CRCP: variants seen among roughly 807,000 people sequenced by gnomAD.
The protein encoded by CRCP is DNA-directed RNA polymerase III subunit RPC9.
CRCP carries 18 observed loss-of-function variants against 18.5 expected under a neutral mutation model. The ratio of observed to expected loss-of-function variants is 0.97; its 90% CI spans 0.67 to 1.44. The LOEUF is 1.44. Among genes scored for constraint, CRCP ranks in the 40% most tolerant of loss-of-function variants. CRCP has a pLI of 0.00. For synonymous variants in CRCP, 53 were observed against 62.9 expected, an observed-to-expected ratio of 0.84 and a Z score of 0.75; for missense variants, 130 against 176.4, an observed-to-expected ratio of 0.74 and a Z score of 1.49.
intron 3 of CRCP, among the ~76,000 whole-genome samples, chr7:66,132,797 CTA>C (rs1787848308): frequency 6.6e-6 from 1 of 151,882 alleles, no homozygotes; most frequent in Non-Finnish European, 1.5e-5. Flanking sequence ...GTAGTCCCAG[CTA>C]CTCAGAGAGG....
intron 3 of CRCP, among the ~76,000 whole-genome samples, chr7:66,133,930 C>T (rs372213987): frequency 6.1e-4 from 85 of 140,310 alleles, no homozygotes; most frequent in African/African-American, 2.0e-3. Context: ...GTGATCTCGG[C>T]TCACTGCAAC....
intron 5 of CRCP, among the ~76,000 whole-genome samples, chr7:66,147,585 C>G (rs892706883): frequency 3.3e-5 from 5 of 152,130 alleles, no homozygotes; most frequent in African/African-American, 1.2e-4. Flanking sequence ...GTGTGGCATC[C>G]CCTGAGATGG....
At chr7:66,138,621 T>TAAAAAA (rs34807364) in intron 4 of CRCP, among the ~76,000 whole-genome samples, 1 of 93,396 alleles carries the variant, frequency 1.1e-5, no homozygotes, top group Non-Finnish European at 2.0e-5. Flanking sequence ...TCGTCTCTAC[T>TAAAAAA]AAAAAAAAAA....
chr7:66,118,247 A>T (rs985153573), intron 1 of CRCP, among the ~76,000 whole-genome samples: 8 of 152,220 alleles, frequency 5.3e-5, no homozygotes, highest in Admixed American at 3.3e-4. Context: ...AAGTGCTGGG[A>T]TTACAGGCGT....
chr7:66,126,801 A>G lies in CRCP; in HGVS notation c.9-903A>G, dbSNP rs147828208. The stretch of plus-strand genomic sequence containing the variant: ...CTTATTGAGCACTTACTATGTTCCA[A>G]GTACTTTACATGTTTCCAGTGAACC... On this transcript the variant is annotated intron_variant, in intron 1 of 5. Transcript: ENST00000395326. Among the ~76,000 whole-genome samples, 328 of 149,394 alleles carry G rather than the reference A, an allele frequency of 2.2e-3. 4 individuals are homozygous for G. Among genetic ancestry groups the G allele is most frequent in the African/African-American group, 7.7e-3 (320 of 41,390 alleles).
intron 3 of CRCP, among the ~76,000 whole-genome samples, chr7:66,131,504 T>TTTG (rs201720921): frequency 1.4e-3 from 208 of 152,162 alleles, no homozygotes; most frequent in African/African-American, 4.9e-3. Context: ...CTGGCTATTT[T>TTTG]TTGTTGTTGT....
chr7:66,124,635 A>G (rs1787565398), intron 1 of CRCP, among the ~76,000 whole-genome samples: 2 of 151,742 alleles, frequency 1.3e-5, no homozygotes, highest in Non-Finnish European at 2.9e-5. Context: ...CTCCTGTCTC[A>G]GCCCGGAGTA....
chr7:66,138,821 CA>C (rs894319084), intron 4 of CRCP, among the ~76,000 whole-genome samples: 1 of 150,554 alleles, frequency 6.6e-6, no homozygotes, highest in African/African-American at 2.4e-5. Context: ...AAATAAATTT[CA>C]AAAAAGATTT....
At chr7:66,116,697 A>T (rs190838712) in intron 1 of CRCP, among the ~76,000 whole-genome samples, 1 of 152,154 alleles carries the variant, frequency 6.6e-6, no homozygotes, top group Admixed American at 6.6e-5. Context: ...CCCCACATAC[A>T]TGTCCCCCTC....
Position 66,145,479 on chromosome 7 carries a change from G to T in CRCP, c.276G>T (p.Val92=). ...TCCAGCTGCTGAACCACCGGCCTGT[G>T]ACTGCTGTGGAGATCCAGCTGGTGA... The part of the protein sequence containing the change: ...EKLQLLNHRP[V]TAVEIQLMVE... Residue 92 remains valine, a synonymous_variant, in exon 5 of 6, where the codon GTG becomes GTT. Transcript: ENST00000395326. The T allele has an allele frequency of 6.2e-7, 1 of 1,614,030 alleles. No individual in the cohort carries two copies. The highest frequency in any genetic ancestry group is 1.1e-5 in the South Asian group (1 of 91,052).
At chr7:66,123,301 A>G (rs1013227558) in intron 1 of CRCP, among the ~76,000 whole-genome samples, 2 of 152,006 alleles carry the variant, frequency 1.3e-5, no homozygotes, top group Non-Finnish European at 2.9e-5. Flanking sequence ...GAAGTTTTGT[A>G]TAGGTAAGCA....
chr7:66,148,362 C>T (rs1192088190), intron 5 of CRCP, among the ~76,000 whole-genome samples: 2 of 152,136 alleles, frequency 1.3e-5, no homozygotes, highest in Admixed American at 1.3e-4. Context: ...AGCGAAACTC[C>T]TTCTCTAGAA....
chr7:66,130,177 C>T (rs1401099134), intron 2 of CRCP: 2 of 246,504 alleles, frequency 8.1e-6, no homozygotes, highest in South Asian at 3.5e-5. Context: ...ACCATCCAGG[C>T]TCACTGCAAC....
chr7:66,129,341 A>T (rs1232071739), intron 2 of CRCP, among the ~76,000 whole-genome samples: 1 of 152,146 alleles, frequency 6.6e-6, no homozygotes, highest in Non-Finnish European at 1.5e-5. Context: ...AAAAAAAATA[A>T]AAATAAATAA....
At chr7:66,123,888 T>TA (rs1787529529) in intron 1 of CRCP, among the ~76,000 whole-genome samples, 1 of 122,558 alleles carries the variant, frequency 8.2e-6, no homozygotes, top group Admixed American at 8.4e-5. Context: ...CCGTCTGTAC[T>TA]AAAAAAATGA....
intron 1 of CRCP, among the ~76,000 whole-genome samples, chr7:66,116,290 G>A (rs1422747842): frequency 1.3e-4 from 20 of 151,730 alleles, no homozygotes; most frequent in Admixed American, 1.3e-3. Context: ...AACCTGGGAG[G>A]TGGAGACCAG....
intron 1 of CRCP, chr7:66,126,572 C>A: frequency 2.5e-6 from 1 of 399,038 alleles, no homozygotes. Context: ...ATAGCTCCTA[C>A]ATCACAGGGT....
chr7:66,130,097 C>CTT (rs35682014), intron 2 of CRCP: 3,880 of 100,364 alleles, frequency 0.039, 488 homozygotes, highest in South Asian at 0.044. Context: ...AAGCAGGATT[C>CTT]TTTTTTTTTT....
intron 1 of CRCP, among the ~76,000 whole-genome samples, chr7:66,122,374 C>CAAAAAA (rs939428601): frequency 2.2e-4 from 13 of 57,930 alleles, no homozygotes; most frequent in South Asian, 6.8e-4. Flanking sequence ...GACTCCGTCT[C>CAAAAAA]AAAAAAAAAA....
Sources: allele counts gnomAD v4.1 joint callset (sites outside exome capture counted in the v4.1 genomes callset), GRCh38; gene constraint gnomAD v4.1.1; transcripts MANE v1.5; gene names NCBI Gene and HGNC (gene_info 2026-07-23, HGNC 2026-07-21).